Variants in SOX6 observed in about 807,000 individuals in gnomAD.
SOX6 encodes transcription factor SOX-6.
A neutral mutation model predicts 97.8 loss-of-function variants in SOX6; 11 were observed. The ratio of observed to expected loss-of-function variants is 0.11; its 90% CI spans 0.07 to 0.19. The LOEUF (loss-of-function observed/expected upper bound fraction) is 0.19, where lower values mean the gene tolerates loss of function less well. Ranked by LOEUF, SOX6 falls within the 10% of genes least tolerant of loss-of-function variation. SOX6 has a pLI of 1.00. For missense variants in SOX6, 810 were observed against 1,039.5 expected (o/e 0.78, Z 3.04); for synonymous variants, 360 against 371.4 (o/e 0.97, Z 0.35).
chr11:16,190,453 A>G (rs910766594), intron 4 of SOX6, among the ~76,000 whole-genome samples: 3 of 152,342 alleles, frequency 2.0e-5, no homozygotes, highest in Admixed American at 2.0e-4. Flanking sequence ...AAAACAACAC[A>G]ATATAACAAC....
chr11:16,549,331 G>T (rs1439910278), intron 4 of SOX6, among the ~76,000 whole-genome samples: 1 of 151,874 alleles, frequency 6.6e-6, no homozygotes, highest in Admixed American at 6.6e-5. Context: ...CACCACGCCT[G>T]GCTAATTTTG....
chr11:16,091,049 A>C (rs2133967599), intron 9 of SOX6, among the ~76,000 whole-genome samples: 1 of 152,222 alleles, frequency 6.6e-6, no homozygotes, highest in South Asian at 2.1e-4. Context: ...CAGAGCAAGA[A>C]AGTTATAGTG....
intron 6 of SOX6, among the ~76,000 whole-genome samples, chr11:16,116,886 C>A (rs1349863437): frequency 6.6e-6 from 1 of 152,146 alleles, no homozygotes; most frequent in Non-Finnish European, 1.5e-5. Flanking sequence ...TAGCCATGCT[C>A]CTTATGAGAA....
At chr11:16,383,516 A>G (rs1315384360) in intron 1 of SOX6, among the ~76,000 whole-genome samples, 1 of 151,898 alleles carries the variant, frequency 6.6e-6, no homozygotes. Flanking sequence ...CTCTGAGTCC[A>G]GGTATCTTTA....
At chr11:16,526,527 A>T (rs1051918246) in intron 4 of SOX6, among the ~76,000 whole-genome samples, 1 of 152,072 alleles carries the variant, frequency 6.6e-6, no homozygotes, top group Non-Finnish European at 1.5e-5. Flanking sequence ...AGATATACCT[A>T]ATGCTAAATG....
At chr11:16,182,618 C>T (rs1302985269) in intron 6 of SOX6, among the ~76,000 whole-genome samples, 1 of 151,830 alleles carries the variant, frequency 6.6e-6, no homozygotes, top group Non-Finnish European at 1.5e-5. Context: ...CATTACAACT[C>T]ATCTATATTT....
intron 12 of SOX6, among the ~76,000 whole-genome samples, chr11:16,020,948 T>A (rs933276986): frequency 6.6e-6 from 1 of 152,116 alleles, no homozygotes; most frequent in African/African-American, 2.4e-5. Flanking sequence ...ATCAAAAACA[T>A]GCTGCACAAG....
intron 1 of SOX6, among the ~76,000 whole-genome samples, chr11:16,443,818 T>C (rs1317559568): frequency 3.3e-5 from 5 of 151,942 alleles, no homozygotes; most frequent in Non-Finnish European, 7.4e-5. Context: ...ATCAAGACCA[T>C]CCTGGCCAAC....
chr11:16,639,505 C>T (rs1848857084), intron 3 of SOX6, among the ~76,000 whole-genome samples: 1 of 152,116 alleles, frequency 6.6e-6, no homozygotes, highest in South Asian at 2.1e-4. Flanking sequence ...TTACCTTGGG[C>T]AGTATGGCCA....
intron 2 of SOX6, among the ~76,000 whole-genome samples, chr11:16,733,918 T>A (rs1848371112): frequency 6.7e-6 from 1 of 150,250 alleles, no homozygotes; most frequent in African/African-American, 2.5e-5. Context: ...TCCCAGCTAC[T>A]CAGGAGGCTG....
chr11:16,448,743 T>C (rs1859659763), intron 1 of SOX6, among the ~76,000 whole-genome samples: 1 of 152,172 alleles, frequency 6.6e-6, no homozygotes, highest in South Asian at 2.1e-4. Flanking sequence ...TTAAATAATA[T>C]ATTACAGGGC....
At chr11:16,271,156 T>C (rs1048202873) in intron 3 of SOX6, among the ~76,000 whole-genome samples, 22 of 151,380 alleles carry the variant, frequency 1.5e-4, no homozygotes, top group Non-Finnish European at 2.5e-4. Flanking sequence ...AGACTTTTTT[T>C]CCTTAGATCC....
At chr11:16,399,662 C>T (rs1294604657) in intron 1 of SOX6, among the ~76,000 whole-genome samples, 4 of 151,276 alleles carry the variant, frequency 2.6e-5, no homozygotes, top group African/African-American at 4.8e-5. Flanking sequence ...CCTGAGTTTG[C>T]CCAGTTCATA....
intron 7 of SOX6, among the ~76,000 whole-genome samples, chr11:16,098,444 C>T (rs745795053): frequency 1.6e-4 from 24 of 151,932 alleles, no homozygotes; most frequent in Non-Finnish European, 2.7e-4. Flanking sequence ...GAGATGAATG[C>T]TATATCTTAA....
At chr11:15,973,417 A>C (rs1230240532) in intron 15 of SOX6, among the ~76,000 whole-genome samples, 1 of 152,220 alleles carries the variant, frequency 6.6e-6, no homozygotes, top group African/African-American at 2.4e-5. Context: ...TTAGGAACAA[A>C]TGATGTAGTG....
intron 6 of SOX6, among the ~76,000 whole-genome samples, chr11:16,128,331 T>C (rs1849657400): frequency 1.3e-5 from 2 of 152,236 alleles, no homozygotes; most frequent in South Asian, 4.1e-4. Flanking sequence ...CAGTAAGTTC[T>C]TTGCCATGTT....
In SOX6 at chr11:16,207,043, T is replaced by G. The variant is rs141033646; in HGVS notation, c.536-20088A>C. Among the ~76,000 whole-genome samples, 1,492 of 152,186 alleles carry G rather than the reference T, an allele frequency of 9.8e-3. 8 individuals carry two copies. Among genetic ancestry groups the G allele is most frequent in the South Asian group, 0.024 (116 of 4,818 alleles). ...AAATTTAGCACACACCGACCCCTACTACAAATGCACATACACATATACCAC... is the reference window on the plus strand; with the variant it reads ...AAATTTAGCACACACCGACCCCTACGACAAATGCACATACACATATACCAC... On this transcript the variant is annotated intron_variant, in intron 4 of 15. Transcript: ENST00000683767.
intron 2 of SOX6, among the ~76,000 whole-genome samples, chr11:16,731,696 C>T (rs1022190034): frequency 4.6e-5 from 7 of 152,018 alleles, no homozygotes; most frequent in African/African-American, 1.7e-4. Flanking sequence ...ACAAGGATAC[C>T]CTCTCTCACC....
intron 4 of SOX6, among the ~76,000 whole-genome samples, chr11:16,199,615 T>G (rs1365702037): frequency 6.6e-6 from 1 of 152,194 alleles, no homozygotes; most frequent in Non-Finnish European, 1.5e-5. Context: ...TCCTGCATTT[T>G]AAAACATTAA....
Sources: allele counts gnomAD v4.1 joint callset (sites outside exome capture counted in the v4.1 genomes callset), GRCh38; gene constraint gnomAD v4.1.1; transcripts MANE v1.5; gene names NCBI Gene and HGNC (gene_info 2026-07-23, HGNC 2026-07-21).